NUP107: variants seen among roughly 807,000 people sequenced by gnomAD.
NUP107 encodes nuclear pore complex protein Nup107.
A neutral mutation model predicts 141.0 loss-of-function variants in NUP107; 101 were observed. The ratio of observed to expected loss-of-function variants is 0.72; its 90% CI spans 0.61 to 0.84. The LOEUF (loss-of-function observed/expected upper bound fraction) is 0.84. Among genes scored for constraint, NUP107 ranks in the 40% least tolerant of loss-of-function variants. NUP107 has a pLI of 0.00. For missense variants in NUP107, 941 were observed against 1,102.7 expected (o/e 0.85, Z 2.08); for synonymous variants, 319 against 363.9 (o/e 0.88, Z 1.41).
chr12:68,731,866 TAA>T, intron 22 of NUP107, 147 bp downstream of exon 22: 1 of 485,058 alleles, frequency 2.1e-6, no homozygotes, highest in Non-Finnish European at 3.6e-6. Context: ...CTTTTAAATT[TAA>T]AGTCTTATGT....
At chr12:68,729,031 A>T (rs1249351376) in intron 20 of NUP107, among the ~76,000 whole-genome samples, 1 of 152,072 alleles carries the variant, frequency 6.6e-6, no homozygotes, top group African/African-American at 2.4e-5. Flanking sequence ...GGTGTTATTA[A>T]GGGTTTATAG....
At position 68,722,044 on chromosome 12, in the gene NUP107, C is replaced by T. The variant is rs143129957; in HGVS notation, c.1457+58C>T. On this transcript the variant is annotated intron_variant, in intron 16 of 27. Transcript: ENST00000229179. ...ATTTGTAGCATGCTCTTTGATGTTT[C>T]GTTTTACACCCCTTTTTCATATTAT... 256 of 1,609,418 alleles carry T rather than the reference C, an allele frequency of 1.6e-4. No homozygotes were observed. In the African/African-American group the frequency reaches 2.7e-3, roughly 17 times the overall value.
intron 14 of NUP107, 60 bp from the exon 15 acceptor site, chr12:68,721,058 G>A (rs1390501367): frequency 3.5e-6 from 4 of 1,156,902 alleles, no homozygotes; most frequent in Non-Finnish European, 5.1e-6. Flanking sequence ...ACATTATGAG[G>A]AAAATTGACA....
intron 11 of NUP107, chr12:68,714,293 T>C (rs773172007): frequency 2.0e-5 from 3 of 152,224 alleles, no homozygotes; most frequent in African/African-American, 7.2e-5. Context: ...TAAGTAACAA[T>C]TGAAAAAAAC....
intron 11 of NUP107, 74 bp downstream of exon 11, chr12:68,713,882 G>T (rs747261259): frequency 2.1e-5 from 25 of 1,171,118 alleles, no homozygotes; most frequent in Non-Finnish European, 3.1e-5. Flanking sequence ...ATTTTTTCTC[G>T]TGGATCTTTG....
intron 7 of NUP107, 94 bp from the exon 8 acceptor site, chr12:68,702,642 G>A: frequency 1.2e-6 from 1 of 820,296 alleles, no homozygotes; most frequent in Non-Finnish European, 1.9e-6. Flanking sequence ...TTAAAAAGAA[G>A]TTAGCCAAAT....
chr12:68,693,195 A>G (rs950700327), intron 5 of NUP107, among the ~76,000 whole-genome samples: 1 of 151,660 alleles, frequency 6.6e-6, no homozygotes, highest in Non-Finnish European at 1.5e-5. Context: ...CTCCTGCCTC[A>G]GTCTCCTGAG....
In NUP107 at chr12:68,687,042, T is replaced by C. The variant is rs1428705313; in HGVS notation, c.-24T>C. ...GTAGCTAAACTGCAGCCAACTTTGG[T>C]TGTGTGTGGAAAAGGCTTTAGCCAT... On this transcript the variant is annotated 5_prime_UTR_variant, in exon 1 of 28. Transcript: ENST00000229179. 1.2e-6 allele frequency: 2 copies of C among 1,613,876 alleles called. No individual in the cohort carries two copies. The highest frequency in any genetic ancestry group is 1.3e-5 in the African/African-American group (1 of 74,896).
intron 5 of NUP107, among the ~76,000 whole-genome samples, chr12:68,692,601 A>C (rs1422874729): frequency 2.0e-5 from 3 of 148,786 alleles, no homozygotes; most frequent in Non-Finnish European, 3.0e-5. Flanking sequence ...AAAAAAAAAA[A>C]CAGTCACTCT....
At chr12:68,734,856 A>G (rs900260212) in intron 25 of NUP107, 23 bp downstream of exon 25, 2 of 1,605,224 alleles carry the variant, frequency 1.2e-6, no homozygotes, top group Non-Finnish European at 1.7e-6. Context: ...TGGATCTAGG[A>G]TGTGCCTACT....
intron 1 of NUP107, chr12:68,687,364 A>G: frequency 1.1e-6 from 1 of 898,690 alleles, no homozygotes; most frequent in Non-Finnish European, 1.5e-6. Flanking sequence ...CGGGGTAGGT[A>G]GCGCGGCGTT....
At chr12:68,688,111 C>T (rs1423476417) in intron 1 of NUP107, among the ~76,000 whole-genome samples, 1 of 152,112 alleles carries the variant, frequency 6.6e-6, no homozygotes, top group African/African-American at 2.4e-5. Flanking sequence ...GAAGACTGAA[C>T]CCCTAAACTG....
In NUP107 at chr12:68,689,099, T is replaced by C. The variant is rs898564395; in HGVS notation, c.100+46T>C. The C allele has an allele frequency of 3.5e-6, 5 of 1,436,174 alleles. No homozygotes were observed. In the African/African-American group the frequency reaches 5.6e-5, roughly 16 times the overall value. 89.0% of individuals were successfully genotyped at this position (1,436,174 alleles called of 1,614,324 possible). Reference sequence around the variant, plus strand: ...ATCATTATAAAAATTGTAACATGTTTGGAATCAGTGTTGTAGAATTTTCTT... The same window carrying C: ...ATCATTATAAAAATTGTAACATGTTCGGAATCAGTGTTGTAGAATTTTCTT... On this transcript the variant is annotated intron_variant, in intron 2 of 27. Coordinates refer to ENST00000229179, the MANE Select transcript of NUP107 (RefSeq NM_020401.4).
At chr12:68,715,398 G>A (rs1296944291) in intron 11 of NUP107, among the ~76,000 whole-genome samples, 2 of 152,164 alleles carry the variant, frequency 1.3e-5, no homozygotes, top group Non-Finnish European at 2.9e-5. Context: ...GGAGGCCGAG[G>A]CAGGAGAATT....
rs533526847 is a variant in NUP107 at position 68,709,364 on chromosome 12, C to T, written c.801+55C>T. 9.0e-5 allele frequency: 90 copies of T among 997,300 alleles called. 3 individuals carry two copies. The South Asian group carries it at 1.3e-3, about 14-fold the overall frequency. The allele number at this position is 997,300 out of a possible 1,614,324, so 61.8% of individuals were successfully genotyped here. ...TGAAACATGGAGAAAAGGTTAATGA[C>T]ATGCAAAGTACTGAAGTGTTTTTTA... On this transcript the variant is annotated intron_variant, in intron 9 of 27. Transcript: ENST00000229179.
In NUP107 at chr12:68,721,939, A is replaced by G. The variant is rs1316108814; in HGVS notation, c.1410A>G (p.Ala470=). 1.2e-6 allele frequency: 2 copies of G among 1,614,120 alleles called. No homozygotes were observed. Among genetic ancestry groups the G allele is most frequent in the Admixed American group, 3.3e-5 (2 of 60,014 alleles). ...AACAGGAGATCCAGACATCAGTAGC[A>G]ACTCTGGATGAAACTGAAGAACTCC... ...LVEQEIQTSV[A]TLDETEELPR... The change falls in exon 16 of 28, where the codon GCA becomes GCG. Residue 470 remains alanine, a synonymous_variant. Transcript: ENST00000229179.
Position 68,713,774 on chromosome 12 carries a change from A to G in NUP107, c.935A>G (p.Tyr312Cys). ...HTLKQRQLTSYVGSVRPLVTE... is the reference protein window; with the variant it reads ...HTLKQRQLTSCVGSVRPLVTE... ...TTAAAACAACGGCAGCTGACTTCTT[A>G]CGTTGGAAGTGTTCGTCCGCTTGTC... Residue 312 changes from tyrosine to cysteine, a missense_variant, in exon 11 of 28, where the codon TAC (tyrosine) becomes TGC (cysteine). Coordinates refer to ENST00000229179, the MANE Select transcript of NUP107 (RefSeq NM_020401.4). 1 of 1,611,030 alleles carries G rather than the reference A, an allele frequency of 6.2e-7. No homozygotes were observed. Among genetic ancestry groups the G allele is most frequent in the Non-Finnish European group, 8.5e-7 (1 of 1,179,048 alleles).
intron 10 of NUP107, among the ~76,000 whole-genome samples, chr12:68,711,844 A>G (rs1367433764): frequency 6.6e-6 from 1 of 152,224 alleles, no homozygotes; most frequent in Non-Finnish European, 1.5e-5. Context: ...ACTTTATTCT[A>G]AATGTGATGG....
intron 8 of NUP107, chr12:68,705,563 G>C: frequency 4.7e-6 from 1 of 213,648 alleles, no homozygotes; most frequent in South Asian, 6.4e-5. Flanking sequence ...GAATCACCAA[G>C]AAGCAGCTTC....
Sources: allele counts gnomAD v4.1 joint callset (sites outside exome capture counted in the v4.1 genomes callset), GRCh38; gene constraint gnomAD v4.1.1; transcripts MANE v1.5; gene names NCBI Gene and HGNC (gene_info 2026-07-23, HGNC 2026-07-21).